The following PATJ variants were observed in gnomAD, a reference collection of about 807,000 sequenced individuals.
PATJ encodes the protein PATJ crumbs cell polarity complex component.
PATJ carries 190 observed loss-of-function variants against 224.9 expected under a neutral mutation model. That is an observed-to-expected ratio of 0.84 (90% CI 0.75 to 0.95). The LOEUF is 0.95. Ranked by LOEUF, PATJ falls within the 40% of genes least tolerant of loss-of-function variation. PATJ has a pLI of 0.00. For synonymous variants in PATJ, 769 were observed against 820.3 expected, an observed-to-expected ratio of 0.94 and a Z score of 1.07; for missense variants, 2,121 against 2,270.3, an observed-to-expected ratio of 0.93 and a Z score of 1.34.
intron 11 of PATJ, among the ~76,000 whole-genome samples, chr1:61,799,001 C>A (rs759685891): frequency 2.6e-5 from 4 of 151,992 alleles, no homozygotes; most frequent in Non-Finnish European, 5.9e-5. Flanking sequence ...ATACAATACA[C>A]CTGGAAGCCT....
At chr1:61,798,976 A>G (rs2148568192) in intron 11 of PATJ, among the ~76,000 whole-genome samples, 1 of 152,218 alleles carries the variant, frequency 6.6e-6, no homozygotes, top group East Asian at 1.9e-4. Flanking sequence ...TTCCTCTGAA[A>G]ATATTCTTCT....
At chr1:62,040,691 CAA>C (rs112684212) in intron 30 of PATJ, among the ~76,000 whole-genome samples, 31,532 of 151,676 alleles carry the variant, frequency 0.21, 3,610 homozygotes, top group Non-Finnish European at 0.26. Flanking sequence ...AAATATGAGA[CAA>C]GAGGGAGAGA....
chr1:62,153,556 G>A, intron 43 of PATJ, 75 bp downstream of exon 43: 1 of 1,019,470 alleles, frequency 9.8e-7, no homozygotes, highest in Non-Finnish European at 1.3e-6. Context: ...GCTTTGCTTT[G>A]CTTTACTTTG....
intron 19 of PATJ, among the ~76,000 whole-genome samples, chr1:61,862,479 G>A (rs994226005): frequency 6.6e-6 from 1 of 152,178 alleles, no homozygotes. Flanking sequence ...TTACAGACGT[G>A]AGCCACCACG....
intron 42 of PATJ, among the ~76,000 whole-genome samples, chr1:62,148,806 G>T (rs1021736128): frequency 9.2e-5 from 14 of 152,074 alleles, no homozygotes; most frequent in African/African-American, 3.1e-4. Context: ...CATTAAAGCA[G>T]GGTTTCTCAA....
At chr1:61,839,808 C>T (rs1660783553) in intron 17 of PATJ, among the ~76,000 whole-genome samples, 1 of 151,986 alleles carries the variant, frequency 6.6e-6, no homozygotes, top group African/African-American at 2.4e-5. Context: ...CATTCCTCTC[C>T]CCTCTTGAGT....
intron 18 of PATJ, among the ~76,000 whole-genome samples, chr1:61,857,930 T>C (rs554021215): frequency 6.6e-5 from 10 of 152,330 alleles, no homozygotes; most frequent in Non-Finnish European, 1.5e-4. Flanking sequence ...AATTCTTTAA[T>C]GTATGAAACA....
chr1:62,123,963 T>A (rs1209647876), intron 39 of PATJ, among the ~76,000 whole-genome samples: 1 of 152,216 alleles, frequency 6.6e-6, no homozygotes, highest in Non-Finnish European at 1.5e-5. Context: ...GAGGCTTTTA[T>A]ACATGTTGCT....
intron 7 of PATJ, among the ~76,000 whole-genome samples, chr1:61,778,616 AT>A (rs1231005310): frequency 2.0e-5 from 3 of 152,204 alleles, no homozygotes; most frequent in Non-Finnish European, 4.4e-5. Context: ...AACATACTGA[AT>A]GCAGAAGCAG....
intron 1 of PATJ, among the ~76,000 whole-genome samples, chr1:61,755,308 CAAAAA>C (rs570167460): frequency 2.5e-5 from 2 of 81,382 alleles, no homozygotes; most frequent in Non-Finnish European, 5.1e-5. Context: ...GACTCTGTCT[CAAAAA>C]AAAAAAAAAA....
chr1:61,780,552 G>A (rs1378773121), intron 7 of PATJ, among the ~76,000 whole-genome samples: 1 of 152,098 alleles, frequency 6.6e-6, no homozygotes, highest in Non-Finnish European at 1.5e-5. Context: ...TTATAACCTG[G>A]AAATAATAAA....
intron 17 of PATJ, among the ~76,000 whole-genome samples, chr1:61,855,246 C>T (rs1239984626): frequency 6.6e-6 from 1 of 152,176 alleles, no homozygotes; most frequent in Non-Finnish European, 1.5e-5. Flanking sequence ...GTCAGAGAAT[C>T]TTGCCCAGCT....
In PATJ at chr1:62,037,996, C is replaced by T; in HGVS notation, c.3979C>T (p.Gln1327Ter). The change falls in exon 30 of 44, where the codon CAG becomes TAG. Residue 1327 changes from glutamine to a stop codon, truncating the protein, a stop_gained. Coordinates refer to ENST00000642238, the MANE Select transcript of PATJ (RefSeq NM_001350145.3). LOFTEE classifies it high-confidence loss of function. ...TCACAGAAACGAGGATGCAGTCAAT[C>T]AGATGGCCGTTACTCCCTTTCCAGT... ...VFIRNEDAVN[Q>*]MAVTPFPVPS... is the part of the protein sequence containing the mutation. 1 of 1,605,524 alleles carries T rather than the reference C, an allele frequency of 6.2e-7. No homozygotes were observed.
At position 61,864,302 on chromosome 1, in the gene PATJ, A is replaced by G; in HGVS notation, c.2504A>G (p.Lys835Arg). 5 of 1,613,156 alleles carry G rather than the reference A, an allele frequency of 3.1e-6. No homozygotes were observed. The highest frequency in any genetic ancestry group is 4.2e-6 in the Non-Finnish European group (5 of 1,179,100). ...GATGAACCATTTCTAGATCTGGGAA[A>G]GTCTTTCCATTCCCAACAAAAAGAG... ...LVDEPFLDLG[K>R]SFHSQQKEIE... The change falls in exon 20 of 44, where the codon AAG (lysine) becomes AGG (arginine). Residue 835 changes from lysine (K) to arginine (R), a missense_variant. Coordinates refer to ENST00000642238, the MANE Select transcript of PATJ (RefSeq NM_001350145.3).
At chr1:61,754,520 G>GTTTTTTTT (rs548557219) in intron 1 of PATJ, among the ~76,000 whole-genome samples, 3 of 94,448 alleles carry the variant, frequency 3.2e-5, no homozygotes, top group Non-Finnish European at 6.3e-5. Flanking sequence ...TTTTTTGCAT[G>GTTTTTTTT]TTTTTTTTTT....
At chr1:62,146,423 G>A (rs1415837073) in intron 41 of PATJ, among the ~76,000 whole-genome samples, 1 of 152,210 alleles carries the variant, frequency 6.6e-6, no homozygotes, top group East Asian at 1.9e-4. Context: ...AGCCGCTATG[G>A]ATGGAGGGGC....
At chr1:61,808,216 A>G (rs1653971084) in intron 13 of PATJ, among the ~76,000 whole-genome samples, 1 of 152,152 alleles carries the variant, frequency 6.6e-6, no homozygotes, top group African/African-American at 2.4e-5. Flanking sequence ...TAAAAATAGT[A>G]TATATATGTG....
At chr1:61,953,990 T>C (rs994801992) in intron 27 of PATJ, among the ~76,000 whole-genome samples, 17 of 152,196 alleles carry the variant, frequency 1.1e-4, no homozygotes, top group African/African-American at 3.9e-4. Flanking sequence ...TAGGAATTTA[T>C]GTGTCCTTTG....
chr1:61,928,224 A>C (rs1346016409), intron 27 of PATJ, among the ~76,000 whole-genome samples: 1 of 152,190 alleles, frequency 6.6e-6, no homozygotes, highest in Non-Finnish European at 1.5e-5. Flanking sequence ...CAGAAGGCCC[A>C]CCAACTTGTA....
Sources: allele counts gnomAD v4.1 joint callset (sites outside exome capture counted in the v4.1 genomes callset), GRCh38; gene constraint gnomAD v4.1.1; transcripts MANE v1.5; gene names NCBI Gene and HGNC (gene_info 2026-07-23, HGNC 2026-07-21).